Variants in L3MBTL4 observed in about 807,000 individuals in gnomAD.
The protein encoded by L3MBTL4 is lethal(3)malignant brain tumor-like protein 4.
In L3MBTL4, 70 loss-of-function variants were observed where a neutral mutation model predicts 84.5. The observed-to-expected ratio is 0.83, with a 90% CI of 0.68 to 1.01. The LOEUF (loss-of-function observed/expected upper bound fraction) is 1.01, where lower values mean the gene tolerates loss of function less well. L3MBTL4 is among the 50% of genes least tolerant of loss of function. L3MBTL4 has a pLI of 0.00. For missense variants in L3MBTL4, 715 were observed against 754.8 expected (o/e 0.95, Z 0.62); for synonymous variants, 274 against 259.8 (o/e 1.05, Z -0.52).
intron 10 of L3MBTL4, among the ~76,000 whole-genome samples, chr18:6,226,563 T>C (rs1248186333): frequency 2.0e-5 from 3 of 151,962 alleles, no homozygotes; most frequent in South Asian, 2.1e-4. Context: ...AGAAAAATAG[T>C]CATCTAGAAC....
chr18:6,237,445 CTTTTTTTTTT>C (rs1173599586), intron 10 of L3MBTL4, among the ~76,000 whole-genome samples: 1 of 88,886 alleles, frequency 1.1e-5, no homozygotes, highest in African/African-American at 4.7e-5. Context: ...CCTAGTACAT[CTTTTTTTTTT>C]TTTTTTTTTT....
chr18:6,250,103 T>C (rs917815266), intron 5 of L3MBTL4, among the ~76,000 whole-genome samples: 3 of 152,254 alleles, frequency 2.0e-5, no homozygotes, highest in Admixed American at 1.3e-4. Flanking sequence ...TAAGGTGTTT[T>C]GCTTTGTCAT....
chr18:6,030,118 C>A, intron 16 of L3MBTL4: 2 of 913,248 alleles, frequency 2.2e-6, no homozygotes, highest in Non-Finnish European at 2.6e-6. Flanking sequence ...ATGTGGTATG[C>A]CATCACTTGT....
chr18:6,340,530 T>C (rs1297605240), intron 1 of L3MBTL4, among the ~76,000 whole-genome samples: 1 of 151,994 alleles, frequency 6.6e-6, no homozygotes, highest in Non-Finnish European at 1.5e-5. Flanking sequence ...CCAAGAATAT[T>C]GAGGGGATGA....
chr18:6,003,800 T>C (rs2145299642), intron 16 of L3MBTL4, among the ~76,000 whole-genome samples: 1 of 152,076 alleles, frequency 6.6e-6, no homozygotes, highest in Admixed American at 6.5e-5. Flanking sequence ...AAAGAGGAAA[T>C]CACAAAGGAA....
intron 3 of L3MBTL4, among the ~76,000 whole-genome samples, chr18:6,306,746 A>G (rs1377366766): frequency 6.6e-6 from 1 of 152,168 alleles, no homozygotes; most frequent in Non-Finnish European, 1.5e-5. Context: ...ATCTAATTGC[A>G]CAGCAAACCT....
intron 4 of L3MBTL4, among the ~76,000 whole-genome samples, chr18:6,297,280 G>A (rs1444123969): frequency 1.3e-5 from 2 of 152,074 alleles, no homozygotes; most frequent in Non-Finnish European, 2.9e-5. Context: ...AAGAATAAAC[G>A]GTAGAAGAAA....
At chr18:6,101,477 C>T (rs974156420) in intron 14 of L3MBTL4, among the ~76,000 whole-genome samples, 2 of 152,082 alleles carry the variant, frequency 1.3e-5, no homozygotes, top group African/African-American at 4.8e-5. Flanking sequence ...AAACAAGCAC[C>T]CTCTCCCTAC....
intron 16 of L3MBTL4, among the ~76,000 whole-genome samples, chr18:5,983,036 C>T (rs569749258): frequency 6.6e-6 from 1 of 152,286 alleles, no homozygotes; most frequent in Non-Finnish European, 1.5e-5. Context: ...TCTTTTACTC[C>T]TACCATGGAC....
At chr18:6,318,494 T>TAAAA (rs71370550) in intron 1 of L3MBTL4, among the ~76,000 whole-genome samples, 25 of 14,196 alleles carry the variant, frequency 1.8e-3, no homozygotes, top group African/African-American at 5.0e-3. Flanking sequence ...ACAACAATAG[T>TAAAA]AAAAAAAAAA....
At chr18:6,173,044 C>T (rs61027922) in intron 12 of L3MBTL4, among the ~76,000 whole-genome samples, 5,521 of 152,284 alleles carry the variant, frequency 0.036, 347 homozygotes, top group African/African-American at 0.12. Flanking sequence ...TTGGCTCCAC[C>T]TCAACCCTAC....
At chr18:6,121,722 G>GTGTGTGTGTGTA (rs1555660826) in intron 14 of L3MBTL4, among the ~76,000 whole-genome samples, 52 of 143,682 alleles carry the variant, frequency 3.6e-4, no homozygotes, top group African/African-American at 1.2e-3. Context: ...GTGTGTGTAT[G>GTGTGTGTGTGTA]TGTGTGTGCA....
intron 16 of L3MBTL4, among the ~76,000 whole-genome samples, chr18:6,035,944 C>T (rs2056115801): frequency 1.3e-5 from 2 of 152,146 alleles, no homozygotes; most frequent in Admixed American, 6.5e-5. Context: ...ACTAAAACCT[C>T]CCTTGCTTTT....
At chr18:6,408,639 C>G (rs1260199849) in intron 1 of L3MBTL4, among the ~76,000 whole-genome samples, 1 of 152,062 alleles carries the variant, frequency 6.6e-6, no homozygotes, top group Non-Finnish European at 1.5e-5. Context: ...CACTATTTCT[C>G]ACAGTAGACA....
At chr18:6,409,722 T>G (rs2055886645) in intron 1 of L3MBTL4, among the ~76,000 whole-genome samples, 1 of 152,164 alleles carries the variant, frequency 6.6e-6, no homozygotes, top group Non-Finnish European at 1.5e-5. Flanking sequence ...TCCAAAACCA[T>G]CTGCCTAGCA....
intron 14 of L3MBTL4, among the ~76,000 whole-genome samples, chr18:6,136,724 C>A (rs2060039257): frequency 6.6e-6 from 1 of 152,144 alleles, no homozygotes; most frequent in Admixed American, 6.5e-5. Flanking sequence ...ATCTTGAGGC[C>A]CTGTGCTTGG....
At chr18:6,074,860 T>G (rs888608271) in intron 16 of L3MBTL4, among the ~76,000 whole-genome samples, 18 of 152,130 alleles carry the variant, frequency 1.2e-4, no homozygotes, top group Non-Finnish European at 2.6e-4. Context: ...TGGAAATTAT[T>G]TTAATATAAT....
At chr18:5,973,404 T>G (rs551981737) in intron 16 of L3MBTL4, among the ~76,000 whole-genome samples, 5 of 152,376 alleles carry the variant, frequency 3.3e-5, no homozygotes, top group Non-Finnish European at 7.3e-5. Context: ...AGAAATTATG[T>G]GACTGTTGAC....
chr18:6,003,876 AATGAT>A (rs2054340352), intron 16 of L3MBTL4, among the ~76,000 whole-genome samples: 1 of 152,148 alleles, frequency 6.6e-6, no homozygotes, highest in Admixed American at 6.5e-5. Context: ...AAGCATAAAC[AATGAT>A]AAGAGGCAGA....
Sources: allele counts gnomAD v4.1 joint callset (sites outside exome capture counted in the v4.1 genomes callset), GRCh38; gene constraint gnomAD v4.1.1; transcripts MANE v1.5; gene names NCBI Gene and HGNC (gene_info 2026-07-23, HGNC 2026-07-21).